CPQ: variants seen among roughly 807,000 people sequenced by gnomAD.
The protein encoded by CPQ is carboxypeptidase Q.
CPQ carries 37 observed loss-of-function variants against 45.7 expected under a neutral mutation model. The ratio of observed to expected loss-of-function variants is 0.81; its 90% CI spans 0.62 to 1.07. The LOEUF is 1.07. Ranked by LOEUF, CPQ falls within the 50% of genes least tolerant of loss-of-function variation. CPQ has a pLI of 0.00. For synonymous variants in CPQ, 186 were observed against 205.8 expected, an observed-to-expected ratio of 0.90 and a Z score of 0.82; for missense variants, 537 against 572.9, an observed-to-expected ratio of 0.94 and a Z score of 0.64.
chr8:96,952,954 A>G (rs563064128), intron 4 of CPQ, among the ~76,000 whole-genome samples: 1 of 152,224 alleles, frequency 6.6e-6, no homozygotes, highest in African/African-American at 2.4e-5. Context: ...CAGGGTTCCA[A>G]TGGAAGTTGT....
intron 3 of CPQ, among the ~76,000 whole-genome samples, chr8:96,876,615 T>C (rs1812148250): frequency 6.6e-6 from 1 of 152,136 alleles, no homozygotes; most frequent in Admixed American, 6.5e-5. Flanking sequence ...TTCATTAGTT[T>C]GATTAGTGAT....
intron 1 of CPQ, among the ~76,000 whole-genome samples, chr8:96,745,045 C>T (rs898307921): frequency 6.6e-6 from 1 of 152,210 alleles, no homozygotes; most frequent in African/African-American, 2.4e-5. Flanking sequence ...TGCAGTGGCT[C>T]ACGCCTGTAA....
At chr8:96,667,016 C>G (rs1214618149) in intron 1 of CPQ, among the ~76,000 whole-genome samples, 3 of 152,070 alleles carry the variant, frequency 2.0e-5, no homozygotes, top group Non-Finnish European at 4.4e-5. Context: ...TTAGCTGTTG[C>G]CTTTCTAGTC....
intron 5 of CPQ, among the ~76,000 whole-genome samples, chr8:97,012,513 C>T (rs1480936565): frequency 6.6e-6 from 1 of 152,196 alleles, no homozygotes; most frequent in Non-Finnish European, 1.5e-5. Flanking sequence ...CCTTCCCACA[C>T]TCAGCACATA....
intron 6 of CPQ, among the ~76,000 whole-genome samples, chr8:97,056,101 A>AACACACACAC (rs34266303): frequency 1.4e-5 from 2 of 146,338 alleles, no homozygotes; most frequent in South Asian, 2.2e-4. Flanking sequence ...CCTATCTCAA[A>AACACACACAC]ACACACACAC....
At chr8:96,781,965 C>T (rs979779673) in intron 1 of CPQ, among the ~76,000 whole-genome samples, 5 of 152,194 alleles carry the variant, frequency 3.3e-5, no homozygotes, top group Non-Finnish European at 5.9e-5. Flanking sequence ...TGCCCTGCTT[C>T]CTGGACACAC....
intron 4 of CPQ, among the ~76,000 whole-genome samples, chr8:96,939,386 C>A (rs1331449983): frequency 6.6e-6 from 1 of 152,192 alleles, no homozygotes; most frequent in African/African-American, 2.4e-5. Context: ...CAGACTGGTA[C>A]CAGTATGCTA....
chr8:96,727,250 T>C (rs764792198), intron 1 of CPQ, among the ~76,000 whole-genome samples: 1 of 152,194 alleles, frequency 6.6e-6, no homozygotes, highest in Non-Finnish European at 1.5e-5. Flanking sequence ...CAGCATTTTT[T>C]TTCTTTTCTT....
chr8:96,696,867 A>G (rs1447505842), intron 1 of CPQ, among the ~76,000 whole-genome samples: 2 of 152,206 alleles, frequency 1.3e-5, no homozygotes, highest in African/African-American at 2.4e-5. Context: ...GATGGAAGCC[A>G]TAATGGAAAG....
intron 6 of CPQ, among the ~76,000 whole-genome samples, chr8:97,030,098 A>G (rs1250845243): frequency 6.6e-6 from 1 of 152,232 alleles, no homozygotes; most frequent in Non-Finnish European, 1.5e-5. Context: ...GGATAGGGAG[A>G]TTAATATCAA....
At chr8:96,880,573 A>ATATATATATG (rs1812210640) in intron 4 of CPQ, among the ~76,000 whole-genome samples, 5 of 108,966 alleles carry the variant, frequency 4.6e-5, no homozygotes, top group African/African-American at 1.8e-4. Flanking sequence ...ATATATATAT[A>ATATATATATG]TATACCATGG....
intron 6 of CPQ, among the ~76,000 whole-genome samples, chr8:97,032,870 C>T (rs990364217): frequency 6.6e-6 from 1 of 152,152 alleles, no homozygotes; most frequent in African/African-American, 2.4e-5. Flanking sequence ...AAATAATGTA[C>T]TAAAAGTATT....
intron 5 of CPQ, among the ~76,000 whole-genome samples, chr8:97,020,181 G>A (rs917485115): frequency 7.9e-5 from 12 of 152,040 alleles, no homozygotes; most frequent in Admixed American, 7.2e-4. Context: ...TGAACTGAGT[G>A]ACAGTAGTGA....
At chr8:96,900,777 C>T (rs964116856) in intron 4 of CPQ, among the ~76,000 whole-genome samples, 2 of 152,134 alleles carry the variant, frequency 1.3e-5, no homozygotes, top group Non-Finnish European at 2.9e-5. Context: ...TTTACACCTC[C>T]ATGAGGTCCT....
At chr8:96,678,506 T>C (rs1809104668) in intron 1 of CPQ, among the ~76,000 whole-genome samples, 1 of 152,108 alleles carries the variant, frequency 6.6e-6, no homozygotes, top group South Asian at 2.1e-4. Context: ...TGTTTCATCA[T>C]GGCTGCACTA....
At chr8:96,734,351 A>G (rs763124593) in intron 1 of CPQ, among the ~76,000 whole-genome samples, 1 of 152,158 alleles carries the variant, frequency 6.6e-6, no homozygotes, top group Non-Finnish European at 1.5e-5. Context: ...GATATTCTCC[A>G]GTCCATTCTC....
chr8:96,785,497 T>C (rs1341435309), intron 2 of CPQ, among the ~76,000 whole-genome samples, 167 bp downstream of exon 2: 1 of 152,216 alleles, frequency 6.6e-6, no homozygotes, highest in African/African-American at 2.4e-5. Flanking sequence ...CTTCTGTTTC[T>C]TTTGTGAAAG....
At chr8:96,695,577 C>G (rs1321758137) in intron 1 of CPQ, among the ~76,000 whole-genome samples, 1 of 152,112 alleles carries the variant, frequency 6.6e-6, no homozygotes, top group Non-Finnish European at 1.5e-5. Flanking sequence ...CTACAATGAA[C>G]TCAAACAAAT....
chr8:96,922,299 G>C (rs571046757), intron 4 of CPQ, among the ~76,000 whole-genome samples: 1 of 152,166 alleles, frequency 6.6e-6, no homozygotes, highest in African/African-American at 2.4e-5. Context: ...TTTCCCAACT[G>C]TCTGTTTTAC....
Sources: gnomAD v4.1 joint callset for allele counts (sites outside exome capture counted in the v4.1 genomes callset) on GRCh38, gnomAD v4.1.1 for gene constraint, MANE v1.5 for transcripts, NCBI Gene and HGNC (gene_info 2026-07-23, HGNC 2026-07-21) for gene names.